The following TTC3 variants were observed in gnomAD, a reference collection of about 807,000 sequenced individuals.
TTC3 encodes the protein E3 ubiquitin-protein ligase TTC3.
A neutral mutation model predicts 249.6 loss-of-function variants in TTC3; 180 were observed. The ratio of observed to expected loss-of-function variants is 0.72; its 90% CI spans 0.64 to 0.82. The LOEUF (loss-of-function observed/expected upper bound fraction) is 0.82. TTC3 is among the 40% of genes least tolerant of loss of function. The pLI, the probability that TTC3 is intolerant of heterozygous loss-of-function variation, is 0.00. For missense variants in TTC3, 2,061 were observed against 2,398.4 expected, an observed-to-expected ratio of 0.86 and a Z score of 2.94; for synonymous variants, 717 against 805.0, an observed-to-expected ratio of 0.89 and a Z score of 1.85.
intron 34 of TTC3, among the ~76,000 whole-genome samples, chr21:37,169,659 C>T (rs1010156205): frequency 4.3e-4 from 6 of 13,936 alleles, no homozygotes; most frequent in Non-Finnish European, 8.5e-4. Context: ...GACCAGCTGG[C>T]CAACATAGTA....
intron 7 of TTC3, among the ~76,000 whole-genome samples, chr21:37,093,117 C>A (rs1030197788): frequency 3.3e-5 from 5 of 152,118 alleles, no homozygotes; most frequent in Admixed American, 2.6e-4. Context: ...GTGGCTCACA[C>A]CTGTAATCTC....
chr21:37,109,063 A>G lies in TTC3; in HGVS notation c.900+617A>G, dbSNP rs1005653971. 6.6e-5 allele frequency among the ~76,000 whole-genome samples: 10 copies of G among 152,212 alleles called. No individual in the cohort carries two copies. The South Asian group carries it at 1.7e-3, about 25-fold the overall frequency. On this transcript the variant is annotated intron_variant, in intron 11 of 45. Coordinates refer to ENST00000355666, the Ensembl canonical transcript of TTC3. ...ATCCTGAATGGCCAATAGAAATAAG[A>G]AACTATTTCGGTAGGGGTGGAGCCA...
At chr21:37,073,526 G>GT (rs2070323823) in intron 1 of TTC3, 53 bp downstream of exon 1, 1 of 881,018 alleles carries the variant, frequency 1.1e-6, no homozygotes, top group Non-Finnish European at 1.3e-6. Flanking sequence ...GGTGCCTACT[G>GT]TGTCTGCATG....
chr21:37,152,053 T>A, intron 26 of TTC3, 24 bp downstream of exon 26: 1 of 1,550,030 alleles, frequency 6.5e-7, no homozygotes, highest in Non-Finnish European at 8.6e-7. Context: ...AAAGGCATGA[T>A]AAGAATAATA....
At chr21:37,196,399 G>C (rs1274024301) in intron 42 of TTC3, among the ~76,000 whole-genome samples, 2 of 152,022 alleles carry the variant, frequency 1.3e-5, no homozygotes, top group Non-Finnish European at 2.9e-5. Context: ...ACTAAGCCTG[G>C]CTAATTTTTG....
exon 26 of TTC3, chr21:37,151,984 G>A: frequency 6.2e-7 from 1 of 1,600,402 alleles, no homozygotes; most frequent in Non-Finnish European, 8.5e-7. Flanking sequence ...AAGAATGGAG[G>A]AGGACTTAAG....
At chr21:37,113,874 A>G (rs2075892959) in intron 11 of TTC3, among the ~76,000 whole-genome samples, 2 of 152,208 alleles carry the variant, frequency 1.3e-5, no homozygotes. Flanking sequence ...AGCCCTCAGA[A>G]ATAGTGCCAC....
intron 28 of TTC3, among the ~76,000 whole-genome samples, chr21:37,159,087 G>T (rs138585473): frequency 6.6e-6 from 1 of 152,130 alleles, no homozygotes; most frequent in Non-Finnish European, 1.5e-5. Flanking sequence ...TGGGGTCTGG[G>T]TTCATCATCA....
chr21:37,103,229 AT>A (rs2074693315), intron 10 of TTC3, among the ~76,000 whole-genome samples: 1 of 152,346 alleles, frequency 6.6e-6, no homozygotes, highest in African/African-American at 2.4e-5. Context: ...CATATTTTAT[AT>A]GCAGTAATGG....
chr21:37,197,419 A>T, intron 42 of TTC3, 151 bp from the exon 43 acceptor site: 3 of 862,530 alleles, frequency 3.5e-6, no homozygotes, highest in Non-Finnish European at 5.4e-6. Flanking sequence ...CTTTTTAGAT[A>T]GTTATTGTTG....
chr21:37,153,231 A>G (rs984094010), exon 27 of TTC3: 2 of 1,613,866 alleles, frequency 1.2e-6, no homozygotes, highest in Non-Finnish European at 1.7e-6. Context: ...AGCTTAAAGA[A>G]GTGGAGCCCA....
rs773035352 is a variant in TTC3, at chr21:37,188,541, A to G, written c.4970A>G (p.Gln1657Arg). ...AAGGAGAGTGAAGTGTATAAGCTAC[A>G]GATCATGGAGTCACAAGCAGAAGCC... is the stretch of plus-strand genomic sequence containing the variant. The change falls in exon 39 of 46, where the codon CAG (glutamine) becomes CGG (arginine). Residue 1657 changes from glutamine to arginine, a missense_variant. By Grantham distance (43) the Gln-to-Arg change is conservative. This residue lies in a region of TTC3 where 1,040 missense variants were observed against 1,186.1 expected (regional missense o/e 0.88). Transcript: ENST00000355666. The G allele has an allele frequency of 1.5e-5, 25 of 1,613,976 alleles. No individual in the cohort carries two copies. The South Asian group carries it at 2.6e-4, about 17-fold the overall frequency.
intron 44 of TTC3, among the ~76,000 whole-genome samples, chr21:37,198,271 C>T (rs1278464759): frequency 1.3e-5 from 2 of 152,230 alleles, no homozygotes; most frequent in Non-Finnish European, 2.9e-5. Flanking sequence ...GACAAGGGCT[C>T]TGACCATCGT....
At chr21:37,108,128 G>A in intron 10 of TTC3, 1 of 324,412 alleles carries the variant, frequency 3.1e-6, no homozygotes, top group South Asian at 4.5e-5. Flanking sequence ...ATGTCGAAAT[G>A]TGCAAGAAAT....
At chr21:37,187,211 A>G in intron 38 of TTC3, 66 bp downstream of exon 38, 1 of 1,155,356 alleles carries the variant, frequency 8.7e-7, no homozygotes, top group Non-Finnish European at 1.2e-6. Flanking sequence ...CTTTAATGAC[A>G]TATGAGGCAT....
chr21:37,163,798 AAT>A (rs2148067225), intron 31 of TTC3, among the ~76,000 whole-genome samples: 1 of 152,352 alleles, frequency 6.6e-6, no homozygotes, highest in East Asian at 1.9e-4. Context: ...GAGTTTTAAG[AAT>A]TTTGCTCTTT....
intron 29 of TTC3, among the ~76,000 whole-genome samples, 197 bp from the exon 30 acceptor site, chr21:37,160,605 A>T: frequency 3.9e-3 from 1 of 258 alleles, no homozygotes; most frequent in Non-Finnish European, 6.8e-3. Flanking sequence ...TTTAGTATAC[A>T]TTAGTATTAT....
chr21:37,152,061 A>G (rs1392605815), intron 26 of TTC3, 32 bp downstream of exon 26: 1 of 1,526,942 alleles, frequency 6.5e-7, no homozygotes, highest in Non-Finnish European at 8.7e-7. Flanking sequence ...GATAAGAATA[A>G]TATACTCTCA....
At chr21:37,154,069 A>G (rs2079751805) in intron 27 of TTC3, among the ~76,000 whole-genome samples, 1 of 152,240 alleles carries the variant, frequency 6.6e-6, no homozygotes, top group Admixed American at 6.5e-5. Context: ...GCAGCTGCAG[A>G]TACAGTTGTT....
Sources: gnomAD v4.1 joint callset for allele counts (sites outside exome capture counted in the v4.1 genomes callset) on GRCh38, gnomAD v4.1.1 for gene constraint, gnomAD v4.1.1 regional missense constraint, MANE v1.5 for transcripts, NCBI Gene and HGNC (gene_info 2026-07-23, HGNC 2026-07-21) for gene names.